Variants in KHDRBS2 observed in about 807,000 individuals in gnomAD.
The protein encoded by KHDRBS2 is KH RNA binding domain containing, signal transduction associated 2.
A neutral mutation model predicts 44.3 loss-of-function variants in KHDRBS2; 26 were observed. That is an observed-to-expected ratio of 0.59 (90% confidence interval 0.43 to 0.81). The LOEUF (loss-of-function observed/expected upper bound fraction) is 0.81, where lower values mean the gene tolerates loss of function less well. Ranked by LOEUF, KHDRBS2 falls within the 40% of genes least tolerant of loss-of-function variation. The pLI is 0.00. For synonymous variants in KHDRBS2, 194 were observed against 151.1 expected, an observed-to-expected ratio of 1.28 and a Z score of -2.08; for missense variants, 476 against 433.1, an observed-to-expected ratio of 1.10 and a Z score of -0.88.
intron 2 of KHDRBS2, among the ~76,000 whole-genome samples, chr6:62,106,595 C>T (rs1263689413): frequency 6.6e-6 from 1 of 152,116 alleles, no homozygotes; most frequent in Non-Finnish European, 1.5e-5. Flanking sequence ...GGAATCCTCC[C>T]TAACTCATTT....
chr6:61,570,111 T>C, the KHDRBS2 span, among the ~76,000 whole-genome samples: 2 of 151,756 alleles, frequency 1.3e-5, no homozygotes, highest in East Asian at 1.9e-4. Flanking sequence ...ATTCAGAAAG[T>C]TGATTAATAA....
At chr6:62,036,519 C>T (rs1451893175) in intron 3 of KHDRBS2, among the ~76,000 whole-genome samples, 1 of 151,856 alleles carries the variant, frequency 6.6e-6, no homozygotes, top group Admixed American at 6.6e-5. Flanking sequence ...TGTAGCAAAC[C>T]TGCACTTTTA....
At chr6:61,734,016 G>T (rs900836480) in intron 6 of KHDRBS2, among the ~76,000 whole-genome samples, 2 of 152,076 alleles carry the variant, frequency 1.3e-5, no homozygotes, top group African/African-American at 4.8e-5. Context: ...ACCTACATGT[G>T]AAATCTTTGA....
At chr6:62,193,992 T>C (rs1479184129) in intron 1 of KHDRBS2, among the ~76,000 whole-genome samples, 1 of 152,112 alleles carries the variant, frequency 6.6e-6, no homozygotes, top group Non-Finnish European at 1.5e-5. Flanking sequence ...ATCAGAAAAA[T>C]AATTTGCAAA....
intron 6 of KHDRBS2, among the ~76,000 whole-genome samples, chr6:61,836,026 G>T (rs1259550079): frequency 6.6e-6 from 1 of 151,848 alleles, no homozygotes; most frequent in African/African-American, 2.4e-5. Context: ...CTTAAATTTT[G>T]AAGCGACAAA....
chr6:61,776,061 A>G (rs1781930928), intron 6 of KHDRBS2, among the ~76,000 whole-genome samples: 2 of 152,188 alleles, frequency 1.3e-5, no homozygotes, highest in South Asian at 4.1e-4. Context: ...TATTTAATAA[A>G]TGGTGCTGGG....
At chr6:61,809,075 T>C (rs1787670689) in intron 6 of KHDRBS2, among the ~76,000 whole-genome samples, 1 of 151,376 alleles carries the variant, frequency 6.6e-6, no homozygotes, top group Non-Finnish European at 1.5e-5. Flanking sequence ...GCCAGTGAAC[T>C]CCACTGGGAA....
In KHDRBS2 at chr6:62,155,765, G is replaced by A. The variant is rs116828791; in HGVS notation, c.219+21420C>T. 1.6e-3 allele frequency among the ~76,000 whole-genome samples: 236 copies of A among 152,170 alleles called. 1 individual carries two copies. The highest frequency in any genetic ancestry group is 5.4e-3 in the African/African-American group (224 of 41,518). ...AACAGTAGAAGCTATTCCCATATCC[G>A]TTTTCCACAGTTTACAAAAATACAA... On this transcript the variant is annotated intron_variant, in intron 2 of 8. Transcript: ENST00000281156.
the KHDRBS2 span, among the ~76,000 whole-genome samples, chr6:61,556,744 T>A: frequency 6.6e-6 from 1 of 152,166 alleles, no homozygotes; most frequent in African/African-American, 2.4e-5. Flanking sequence ...CTGGTACAAG[T>A]GCTTTAAGCC....
At chr6:62,069,594 T>A (rs1238414308) in intron 2 of KHDRBS2, among the ~76,000 whole-genome samples, 1 of 151,768 alleles carries the variant, frequency 6.6e-6, no homozygotes, top group Non-Finnish European at 1.5e-5. Flanking sequence ...ACCAGAACTG[T>A]GAGAGATCAC....
chr6:62,106,066 G>A (rs1198866762), intron 2 of KHDRBS2, among the ~76,000 whole-genome samples: 1 of 152,188 alleles, frequency 6.6e-6, no homozygotes, highest in Non-Finnish European at 1.5e-5. Context: ...AGGTTGTTCA[G>A]TTTCCATGCA....
At chr6:62,190,842 T>C (rs1487177513) in intron 1 of KHDRBS2, among the ~76,000 whole-genome samples, 4 of 152,114 alleles carry the variant, frequency 2.6e-5, no homozygotes, top group Non-Finnish European at 5.9e-5. Flanking sequence ...CCACTCTATA[T>C]GCAGTAGTCA....
chr6:62,092,425 C>T (rs1272823000), intron 2 of KHDRBS2, among the ~76,000 whole-genome samples: 1 of 152,152 alleles, frequency 6.6e-6, no homozygotes, highest in Non-Finnish European at 1.5e-5. Flanking sequence ...ATAAGCACAA[C>T]CGAATCAAAA....
chr6:61,916,965 A>ATTTTTTTTTTTTTTTT (rs10700035), intron 4 of KHDRBS2, among the ~76,000 whole-genome samples: 11 of 90,640 alleles, frequency 1.2e-4, no homozygotes, highest in African/African-American at 3.0e-4. Context: ...GGAACTCTGT[A>ATTTTTTTTTTTTTTTT]TTTTTTTTTT....
At chr6:62,172,674 C>T (rs1370039620) in intron 2 of KHDRBS2, among the ~76,000 whole-genome samples, 1 of 107,192 alleles carries the variant, frequency 9.3e-6, no homozygotes, top group African/African-American at 3.2e-5. Flanking sequence ...ACACAATTGG[C>T]CATAAAACAA....
intron 1 of KHDRBS2, among the ~76,000 whole-genome samples, chr6:62,275,198 T>A (rs1163537289): frequency 2.0e-5 from 3 of 152,178 alleles, no homozygotes; most frequent in Non-Finnish European, 2.9e-5. Flanking sequence ...ATCCAATCTT[T>A]CAGTAATTTC....
intron 4 of KHDRBS2, among the ~76,000 whole-genome samples, chr6:61,950,044 A>C (rs1373278595): frequency 6.6e-6 from 1 of 152,048 alleles, no homozygotes; most frequent in Non-Finnish European, 1.5e-5. Flanking sequence ...TATTTCTTTC[A>C]AAAAAGCCTA....
intron 1 of KHDRBS2, among the ~76,000 whole-genome samples, chr6:62,247,396 C>T (rs560711621): frequency 3.7e-4 from 56 of 151,748 alleles, no homozygotes; most frequent in African/African-American, 1.3e-3. Flanking sequence ...AGAGTATATA[C>T]TTATACTGTA....
intron 1 of KHDRBS2, among the ~76,000 whole-genome samples, chr6:62,198,224 A>G (rs1826098762): frequency 6.6e-6 from 1 of 152,176 alleles, no homozygotes; most frequent in South Asian, 2.1e-4. Context: ...CGAAGGCAAT[A>G]AATAACTAAG....
Sources: gnomAD v4.1 joint callset for allele counts (sites outside exome capture counted in the v4.1 genomes callset) on GRCh38, gnomAD v4.1.1 for gene constraint, MANE v1.5 for transcripts, NCBI Gene and HGNC (gene_info 2026-07-23, HGNC 2026-07-21) for gene names.